Variants in PCYT1A observed in about 807,000 individuals in gnomAD.
PCYT1A encodes phosphate cytidylyltransferase 1A, choline.
Under a neutral mutation model 43.7 loss-of-function variants are expected in PCYT1A, and 25 were observed. The ratio of observed to expected loss-of-function variants is 0.57; its 90% CI spans 0.42 to 0.80. PCYT1A has a LOEUF of 0.80. PCYT1A is among the 30% of genes least tolerant of loss of function. The pLI is 0.00. For synonymous variants in PCYT1A, 172 were observed against 170.7 expected (o/e 1.01, Z -0.06); for missense variants, 421 against 474.2 (o/e 0.89, Z 1.04).
chr3:196,272,911 C>T (rs2108778892), intron 1 of PCYT1A, among the ~76,000 whole-genome samples: 1 of 152,346 alleles, frequency 6.6e-6, no homozygotes, highest in African/African-American at 2.4e-5. Context: ...TCAGGCCCGC[C>T]GGGCTCGTTC....
chr3:196,275,283 C>T (rs1172866323), intron 1 of PCYT1A, among the ~76,000 whole-genome samples: 1 of 151,998 alleles, frequency 6.6e-6, no homozygotes, highest in Non-Finnish European at 1.5e-5. Context: ...GTGAAATAAG[C>T]CAGACGAGAA....
intron 7 of PCYT1A, among the ~76,000 whole-genome samples, chr3:196,241,074 G>C (rs937489200): frequency 7.0e-6 from 1 of 142,756 alleles, no homozygotes; most frequent in South Asian, 2.2e-4. Context: ...GGGTCCGATC[G>C]CTTGAGGCCA....
At chr3:196,254,070 A>C (rs140572923) in intron 3 of PCYT1A, among the ~76,000 whole-genome samples, 17,769 of 150,128 alleles carry the variant, frequency 0.12, 1,154 homozygotes, top group South Asian at 0.19. Flanking sequence ...TCTGTCGCCC[A>C]GGCTAGAGTG....
At position 196,252,323 on chromosome 3, in the gene PCYT1A, C is replaced by T. The variant is rs1724828709; in HGVS notation, c.218-4000G>A. ...AGTGTGGTGACATGATCTAGGCTCACTGCAACCTCTGCCTCCTGGGTTCAA... is the reference window on the plus strand; with the variant it reads ...AGTGTGGTGACATGATCTAGGCTCATTGCAACCTCTGCCTCCTGGGTTCAA... On this transcript the variant is annotated intron_variant, in intron 3 of 8. Transcript: ENST00000431016. This position sits in a 1 kb window ranked among gnomAD's most constrained non-coding sequence, Gnocchi z 4.0. Among the ~76,000 whole-genome samples the T allele has an allele frequency of 6.6e-6, 1 of 152,184 alleles. No homozygotes were observed. The highest frequency in any genetic ancestry group is 1.5e-5 in the Non-Finnish European group (1 of 68,034).
chr3:196,247,371 T>A lies in PCYT1A; in HGVS notation c.482A>T (p.His161Leu), dbSNP rs1279839195. The change falls in exon 5 of 9, where the codon CAC becomes CTC. Residue 161 changes from histidine to leucine, a missense_variant. His to Leu is a moderately conservative substitution (Grantham distance 99). Coordinates refer to ENST00000431016, the MANE Select transcript of PCYT1A (RefSeq NM_001312673.2). The surrounding 1 kb of genome is among the most constrained non-coding windows in gnomAD (Gnocchi z 4.8). The part of the protein sequence containing the change: ...WTLTPEFLAE[H>L]RIDFVAHDDI... ...AATATGTGTCCAGTTTCTTACCCGG[T>A]GTTCGGCCAGGAACTCGGGTGTCAG... 1 of 1,613,882 alleles carries A rather than the reference T, an allele frequency of 6.2e-7. No individual in the cohort carries two copies. The highest frequency in any genetic ancestry group is 1.7e-5 in the Admixed American group (1 of 60,010).
chr3:196,265,740 T>C (rs929769443), intron 2 of PCYT1A, among the ~76,000 whole-genome samples: 1 of 150,328 alleles, frequency 6.7e-6, no homozygotes, highest in Non-Finnish European at 1.5e-5. Context: ...CCCCCTACCC[T>C]TTTTTTTTCT....
chr3:196,273,578 C>T lies in PCYT1A; in HGVS notation c.-10-3037G>A, dbSNP rs563685193. 6.6e-6 allele frequency among the ~76,000 whole-genome samples: 1 copy of T among 150,602 alleles called. No homozygotes were observed. The highest frequency in any genetic ancestry group is 2.1e-4 in the South Asian group (1 of 4,822). On this transcript the variant is annotated intron_variant, in intron 1 of 8. Transcript: ENST00000431016. The surrounding 1 kb of genome is among the most constrained non-coding windows in gnomAD (Gnocchi z 4.1). ...TGCAGCCCTCAGCGGAGAGGAGACC[C>T]AGAGTGGATAGCTCCTATCTGCAGG...
In PCYT1A at chr3:196,238,725, G is replaced by C. The variant is rs758409027; in HGVS notation, c.1067C>G (p.Ala356Gly). 6.3e-7 allele frequency: 1 copy of C among 1,589,052 alleles called. No individual in the cohort carries two copies. The highest frequency in any genetic ancestry group is 1.8e-5 in the Admixed American group (1 of 56,068). Reference sequence around the variant, plus strand: ...ATCCTCACTGATATCATAGGCTGCAGCCTTGTGCCTGGAGAGATTTGCTGG... The same window carrying C: ...ATCCTCACTGATATCATAGGCTGCACCCTTGTGCCTGGAGAGATTTGCTGG... Reference protein sequence around the residue: ...CSPANLSRHKAAAYDISEDEE... With the variant: ...CSPANLSRHKGAAYDISEDEE... Residue 356 changes from alanine (A) to glycine (G), a missense_variant, in exon 9 of 9, where the codon GCT becomes GGT. Transcript: ENST00000431016.
intron 5 of PCYT1A, among the ~76,000 whole-genome samples, chr3:196,244,502 C>G (rs1369664310): frequency 6.6e-6 from 1 of 151,704 alleles, no homozygotes; most frequent in African/African-American, 2.4e-5. Context: ...GCAGCCACCC[C>G]GTCCGGGAGG....
intron 1 of PCYT1A, among the ~76,000 whole-genome samples, chr3:196,284,046 A>G (rs1449951279): frequency 1.3e-5 from 2 of 152,214 alleles, no homozygotes; most frequent in African/African-American, 4.8e-5. Flanking sequence ...TTTCAAGGTA[A>G]CACAAACTTT....
chr3:196,247,991 C>T lies in PCYT1A; in HGVS notation c.334+216G>A. 1 of 563,010 alleles carries T rather than the reference C, an allele frequency of 1.8e-6. No homozygotes were observed. 34.9% of individuals were successfully genotyped at this position (563,010 alleles called of 1,614,324 possible). A position where few individuals can be genotyped will look rare whatever the true frequency, so the allele number is the denominator to read the frequency against. On this transcript the variant is annotated intron_variant, in intron 4 of 8. Coordinates refer to ENST00000431016, the MANE Select transcript of PCYT1A (RefSeq NM_001312673.2). This position sits in a 1 kb window ranked among gnomAD's most constrained non-coding sequence, Gnocchi z 4.8. The stretch of plus-strand genomic sequence containing the variant: ...GTGACCACAGAAACTCAGCTACAAG[C>T]AGTGAATAAATGCCAGATGGCACAG...
intron 5 of PCYT1A, among the ~76,000 whole-genome samples, chr3:196,243,744 C>T (rs968491544): frequency 3.3e-5 from 5 of 152,330 alleles, no homozygotes; most frequent in African/African-American, 7.2e-5. Flanking sequence ...CTGTGTTGGC[C>T]GGGCTGGTCT....
chr3:196,279,202 C>A (rs1319183025), intron 1 of PCYT1A, among the ~76,000 whole-genome samples: 1 of 149,840 alleles, frequency 6.7e-6, no homozygotes, highest in African/African-American at 2.5e-5. Flanking sequence ...GCAGGAGAAT[C>A]ATTTGAACCC....
At position 196,239,369 on chromosome 3, in the gene PCYT1A, T is replaced by C. The variant is rs183977849; in HGVS notation, c.897+178A>G. 1.6e-4 allele frequency among the ~76,000 whole-genome samples: 24 copies of C among 152,364 alleles called. No individual in the cohort carries two copies. The East Asian group carries it at 4.6e-3, about 29-fold the overall frequency. ...TGGCAAAATTATCTAGGAGAATGTG[T>C]AACGTCTTTCTGTAAAGGTTTCAAA... On this transcript the variant is annotated intron_variant, in intron 8 of 8. Coordinates refer to ENST00000431016, the MANE Select transcript of PCYT1A (RefSeq NM_001312673.2).
At chr3:196,257,562 C>T (rs1294788590) in intron 3 of PCYT1A, among the ~76,000 whole-genome samples, 1 of 152,124 alleles carries the variant, frequency 6.6e-6, no homozygotes, top group Non-Finnish European at 1.5e-5. Flanking sequence ...ACAGCTACAA[C>T]AGCAGCCCAG....
rs1162129680 is a variant in PCYT1A, at chr3:196,242,043, T to C, written c.613A>G (p.Ile205Val). ...TAATCCCGCACAATTCGGGTGATGA[T>C]GTCTGATGTGGAGATACCTTCTGTC... Reference protein sequence around the residue: ...QRTEGISTSDIITRIVRDYDV... With the variant: ...QRTEGISTSDVITRIVRDYDV... Residue 205 changes from isoleucine (I) to valine (V), a missense_variant, in exon 7 of 9, where the codon ATC becomes GTC. Physicochemically the swap from Ile to Val is conservative, Grantham distance 29 (BLOSUM62 3). Around this residue, in one of 3 missense-constraint regions of PCYT1A, gnomAD observed 174 missense variants for 270.7 expected, o/e 0.64. Transcript: ENST00000431016. The surrounding 1 kb of genome is among the most constrained non-coding windows in gnomAD (Gnocchi z 4.2). The C allele has an allele frequency of 1.2e-6, 2 of 1,614,172 alleles. No homozygotes were observed. Among genetic ancestry groups the C allele is most frequent in the Non-Finnish European group, 1.7e-6 (2 of 1,180,010 alleles).
At chr3:196,264,358 C>A (rs1457162681) in intron 2 of PCYT1A, among the ~76,000 whole-genome samples, 1 of 152,122 alleles carries the variant, frequency 6.6e-6, no homozygotes, top group African/African-American at 2.4e-5. Context: ...TGAAGGGCTG[C>A]GATTACAGGC....
rs1209954920 is a variant in PCYT1A, at chr3:196,241,131, T to TAAAA, written c.708+813_708+816dup. 3.0e-3 allele frequency among the ~76,000 whole-genome samples: 151 copies of TAAAA among 49,696 alleles called. 10 individuals carry two copies. Among genetic ancestry groups the TAAAA allele is most frequent in the South Asian group, 6.5e-3 (6 of 926 alleles). 32.6% of individuals were successfully genotyped at this position (49,696 alleles called of 152,430 possible). A position where few individuals can be genotyped will look rare whatever the true frequency, so the allele number is the denominator to read the frequency against. On this transcript the variant is annotated intron_variant, in intron 7 of 8. Coordinates refer to ENST00000431016, the MANE Select transcript of PCYT1A (RefSeq NM_001312673.2). ...AAACATGGCAAAACCCCATCTCTGC[T>TAAAA]AAAAAAAAAAAAAAAAAAAAAAAAA...
At chr3:196,263,749 C>T (rs1297748085) in intron 2 of PCYT1A, among the ~76,000 whole-genome samples, 1 of 152,166 alleles carries the variant, frequency 6.6e-6, no homozygotes, top group African/African-American at 2.4e-5. Context: ...TCTCCTGCCT[C>T]AGCCTCCGGA....
Sources: gnomAD v4.1 joint callset for allele counts (sites outside exome capture counted in the v4.1 genomes callset) on GRCh38, gnomAD v4.1.1 for gene constraint, gnomAD v4.1.1 regional missense constraint, Gnocchi (gnomAD v3.1) non-coding constraint, MANE v1.5 for transcripts, NCBI Gene and HGNC (gene_info 2026-07-23, HGNC 2026-07-21) for gene names.